The following ZNF324B variants were observed in gnomAD, a reference collection of about 807,000 sequenced individuals.
ZNF324B encodes zinc finger protein 324B.
In ZNF324B, 7 loss-of-function variants were observed where a neutral mutation model predicts 10.6. The ratio of observed to expected loss-of-function variants is 0.66; its 90% CI spans 0.38 to 1.24. ZNF324B has a LOEUF of 1.24. Ranked by LOEUF, ZNF324B falls within the 50% of genes most tolerant of loss-of-function variation. The pLI is 0.02. For synonymous variants in ZNF324B, 316 were observed against 321.0 expected, an observed-to-expected ratio of 0.98 and a Z score of 0.17; for missense variants, 640 against 764.7, an observed-to-expected ratio of 0.84 and a Z score of 1.92.
the ZNF324B span, among the ~76,000 whole-genome samples, chr19:58,424,861 T>G: frequency 6.6e-6 from 1 of 152,038 alleles, no homozygotes; most frequent in African/African-American, 2.4e-5. Context: ...ACCCCCAAAA[T>G]TCCACTTCTA....
chr19:58,422,688 A>T, the ZNF324B span, among the ~76,000 whole-genome samples: 1 of 152,190 alleles, frequency 6.6e-6, no homozygotes, highest in South Asian at 2.1e-4. Flanking sequence ...AAATTTAACC[A>T]AGGAGGTGAA....
chr19:58,454,307 G>A lies in ZNF324B; in HGVS notation c.201G>A (p.Met67Ile), dbSNP rs754276213. 1.9e-6 allele frequency: 3 copies of A among 1,613,990 alleles called. No individual in the cohort carries two copies. In the African/African-American group the frequency reaches 4.0e-5, roughly 22 times the overall value. ...CCTGGGTTCCCAGTGGAAAGGACAT[G>A]ACCCTGGCCAGGAACACCTACGGGA... Reference protein sequence around the residue: ...EEPWVPSGKDMTLARNTYGRL... With the variant: ...EEPWVPSGKDITLARNTYGRL... Residue 67 changes from methionine (M) to isoleucine (I), a missense_variant, in exon 3 of 4, where the codon ATG (methionine) becomes ATA (isoleucine). Met to Ile is a conservative substitution (Grantham distance 10). Around this residue, in one of 3 missense-constraint regions of ZNF324B, gnomAD observed 345 missense variants for 387.9 expected, o/e 0.89. Transcript: ENST00000336614.
chr19:58,451,671 CGCGGGTCGGGGCCCGAGGCGG>C lies in ZNF324B; in HGVS notation c.-35_-15del, dbSNP rs1301001334. 1 of 505,402 alleles carries C rather than the reference CGCGGGTCGGGGCCCGAGGCGG, an allele frequency of 2.0e-6. No homozygotes were observed. The highest frequency in any genetic ancestry group is 2.0e-5 in the African/African-American group (1 of 50,218). The allele number at this position is 505,402 out of a possible 1,614,324, so 31.3% of individuals were successfully genotyped here. A position where few individuals can be genotyped will look rare whatever the true frequency, so the allele number is the denominator to read the frequency against. ...CACACCGGTGGTCTGGGCTGTGGCG[CGCGGGTCGGGGCCCGAGGCGG>C]GCGGCCAGGAAGGTACGGACCACGA... On this transcript the variant is annotated 5_prime_UTR_variant, in exon 1 of 4. Coordinates refer to ENST00000336614, the MANE Select transcript of ZNF324B (RefSeq NM_207395.3).
In ZNF324B at chr19:58,456,549, A is replaced by C. The variant is rs2052925244; in HGVS notation, c.1605A>C (p.Pro535=). Residue 535 remains proline, a synonymous_variant, in exon 4 of 4, where the codon CCA becomes CCC. Coordinates refer to ENST00000336614, the MANE Select transcript of ZNF324B (RefSeq NM_207395.3). The surrounding 1 kb of genome is among the most constrained non-coding windows in gnomAD (Gnocchi z 4.7). Reference sequence around the variant, plus strand: ...GGAAGGTGCGCCGGGGAGGGAAGCCAAGCCCAGTCCTGAAGCCAGCGAAGG... The same window carrying C: ...GGAAGGTGCGCCGGGGAGGGAAGCCCAGCCCAGTCCTGAAGCCAGCGAAGG... ...HHRKVRRGGK[P]SPVLKPAKV 10 of 1,613,986 alleles carry C rather than the reference A, an allele frequency of 6.2e-6. No homozygotes were observed. The highest frequency in any genetic ancestry group is 1.3e-5 in the African/African-American group (1 of 74,922).
At chr19:58,447,926 T>C (rs2052835132), upstream of ZNF324B, among the ~76,000 whole-genome samples, 1 of 152,210 alleles carries the variant, frequency 6.6e-6, no homozygotes. Flanking sequence ...TGCTTGGCTC[T>C]CATTTGCTCT....
chr19:58,421,897 A>G, the ZNF324B span, among the ~76,000 whole-genome samples: 3 of 151,992 alleles, frequency 2.0e-5, no homozygotes, highest in Non-Finnish European at 4.4e-5. Flanking sequence ...TGCAGATTCA[A>G]TGCAGTCCCA....
chr19:58,440,380 A>G, the ZNF324B span: 1 of 154,376 alleles, frequency 6.5e-6, no homozygotes, highest in South Asian at 1.7e-4. Context: ...AGGGCTGGCC[A>G]TTGGCAGCCG....
chr19:58,419,301 A>C, the ZNF324B span: 5 of 152,234 alleles, frequency 3.3e-5, no homozygotes, highest in Non-Finnish European at 5.9e-5. Flanking sequence ...CTCAAAAGTC[A>C]TATTCTCCAA....
upstream of ZNF324B, among the ~76,000 whole-genome samples, chr19:58,450,523 C>T (rs78613639): frequency 0.021 from 3,191 of 150,106 alleles, 98 homozygotes; most frequent in African/African-American, 0.073. Context: ...TGCCTCTAAG[C>T]ATTTGATTAA....
At chr19:58,428,271 A>T in the ZNF324B span, among the ~76,000 whole-genome samples, 1 of 152,232 alleles carries the variant, frequency 6.6e-6, no homozygotes, top group African/African-American at 2.4e-5. Context: ...AGGAGGACCC[A>T]GGGAAATATC....
chr19:58,444,516 C>G, the ZNF324B span: 3 of 152,056 alleles, frequency 2.0e-5, no homozygotes, highest in Non-Finnish European at 4.4e-5. Context: ...TTTTGAAAAC[C>G]TCTTCTTCCG....
chr19:58,455,980 T>C lies in ZNF324B; in HGVS notation c.1036T>C (p.Cys346Arg). The C allele has an allele frequency of 6.3e-7, 1 of 1,591,858 alleles. No homozygotes were observed. The highest frequency in any genetic ancestry group is 1.1e-5 in the South Asian group (1 of 89,970). The change falls in exon 4 of 4, where the codon TGC (cysteine) becomes CGC (arginine). Residue 346 changes from cysteine (C) to arginine (R), a missense_variant. Cys to Arg is a radical substitution (Grantham distance 180). This residue lies in a region of ZNF324B where 57 missense variants were observed against 118.8 expected (regional missense o/e 0.48). Transcript: ENST00000336614. This position sits in a 1 kb window ranked among gnomAD's most constrained non-coding sequence, Gnocchi z 7.0. ...CGAGAAGTCCTTCCGCTGCTCCGAG[T>C]GCGGCAAGGCCTTCAGCCACGGCTC... The part of the protein sequence containing the change: ...TAEKSFRCSE[C>R]GKAFSHGSNL...
the ZNF324B span, among the ~76,000 whole-genome samples, chr19:58,421,032 A>C: frequency 6.7e-6 from 1 of 150,194 alleles, no homozygotes; most frequent in African/African-American, 2.5e-5. Context: ...GACATACGAG[A>C]TGCTAAATGT....
chr19:58,440,128 A>G, the ZNF324B span: 1 of 407,708 alleles, frequency 2.5e-6, no homozygotes, highest in Middle Eastern at 6.3e-4. Context: ...AGCCCAACCC[A>G]CCAGCAGCAA....
chr19:58,433,242 T>C, the ZNF324B span: 5 of 1,445,896 alleles, frequency 3.5e-6, no homozygotes, highest in South Asian at 6.6e-5. Context: ...GTAGGTAATT[T>C]TTCTGGTATG....
the ZNF324B span, among the ~76,000 whole-genome samples, chr19:58,425,466 T>C: frequency 6.7e-6 from 1 of 150,076 alleles, no homozygotes; most frequent in Non-Finnish European, 1.5e-5. Context: ...CTTCCTTCCT[T>C]CTTTCCTTTT....
the ZNF324B span, chr19:58,431,049 G>C: frequency 6.6e-6 from 1 of 152,198 alleles, no homozygotes; most frequent in Non-Finnish European, 1.5e-5. Context: ...ACAAATGCCT[G>C]GCCCTTGAGT....
chr19:58,453,667 T>C, intron 1 of ZNF324B, 29 bp from the exon 2 acceptor site: 1 of 1,614,132 alleles, frequency 6.2e-7, no homozygotes, highest in South Asian at 1.1e-5. Context: ...CCTTAGACCA[T>C]GCCTACCTCC....
Position 58,456,661 on chromosome 19 carries a change from C to A in ZNF324B, c.*82C>A. On this transcript the variant is annotated 3_prime_UTR_variant, in exon 4 of 4. Coordinates refer to ENST00000336614, the MANE Select transcript of ZNF324B (RefSeq NM_207395.3). This position sits in a 1 kb window ranked among gnomAD's most constrained non-coding sequence, Gnocchi z 4.7. ...AAAGGGTCCGAGTGCTCTTCAGATC[C>A]ACGATGGGGAAAAGCTCTGTGCCTG... is the stretch of plus-strand genomic sequence containing the variant. 1 of 1,472,434 alleles carries A rather than the reference C, an allele frequency of 6.8e-7. No homozygotes were observed. Among genetic ancestry groups the A allele is most frequent in the African/African-American group, 1.4e-5 (1 of 71,212 alleles). 91.2% of individuals were successfully genotyped at this position (1,472,434 alleles called of 1,614,324 possible).
Sources: allele counts gnomAD v4.1 joint callset (sites outside exome capture counted in the v4.1 genomes callset), GRCh38; gene constraint gnomAD v4.1.1; regional missense constraint gnomAD v4.1.1; non-coding constraint Gnocchi (gnomAD v3.1); transcripts MANE v1.5; gene names NCBI Gene and HGNC (gene_info 2026-07-23, HGNC 2026-07-21).